ARHGAP18: variants seen among roughly 807,000 people sequenced by gnomAD.
ARHGAP18 encodes rho GTPase-activating protein 18.
Under a neutral mutation model 86.2 loss-of-function variants are expected in ARHGAP18, and 67 were observed. The observed-to-expected ratio is 0.78, with a 90% CI of 0.64 to 0.95. The LOEUF is 0.95. ARHGAP18 is among the 40% of genes least tolerant of loss of function. The pLI is 0.00. For missense variants in ARHGAP18, 691 were observed against 780.4 expected (o/e 0.89, Z 1.37); for synonymous variants, 283 against 280.4 (o/e 1.01, Z -0.09).
intron 8 of ARHGAP18, 130 bp from the exon 9 acceptor site, chr6:129,608,182 C>A (rs2114457602): frequency 3.7e-4 from 354 of 948,378 alleles, no homozygotes; most frequent in Middle Eastern, 1.2e-3. Flanking sequence ...ATCAGACTAC[C>A]AAAAGTCAAT....
intron 1 of ARHGAP18, among the ~76,000 whole-genome samples, chr6:129,647,122 A>G (rs182988140): frequency 2.0e-5 from 3 of 152,312 alleles, no homozygotes; most frequent in Admixed American, 2.0e-4. Flanking sequence ...ATAATGACAA[A>G]GAATTAAAAT....
At chr6:129,696,944 G>A (rs754613432) in intron 1 of ARHGAP18, among the ~76,000 whole-genome samples, 1 of 152,166 alleles carries the variant, frequency 6.6e-6, no homozygotes, top group Non-Finnish European at 1.5e-5. Context: ...TCATTGAGAA[G>A]TGTATCCTAT....
At chr6:129,700,821 C>T (rs1311001312) in intron 1 of ARHGAP18, among the ~76,000 whole-genome samples, 1 of 152,164 alleles carries the variant, frequency 6.6e-6, no homozygotes, top group Non-Finnish European at 1.5e-5. Context: ...CCCAGAGTCA[C>T]AAGCTGCTAC....
intron 6 of ARHGAP18, among the ~76,000 whole-genome samples, chr6:129,616,612 A>G (rs2114467923): frequency 6.6e-6 from 1 of 152,336 alleles, no homozygotes; most frequent in South Asian, 2.1e-4. Context: ...CAAAATATCC[A>G]AATAATTTAC....
At chr6:129,629,891 G>A (rs747691959) in intron 4 of ARHGAP18, among the ~76,000 whole-genome samples, 1 of 152,142 alleles carries the variant, frequency 6.6e-6, no homozygotes, top group Non-Finnish European at 1.5e-5. Flanking sequence ...AGCAAAAAAA[G>A]AAGGAGGTGA....
intron 1 of ARHGAP18, among the ~76,000 whole-genome samples, chr6:129,680,530 C>T (rs1774306742): frequency 6.6e-6 from 1 of 152,144 alleles, no homozygotes; most frequent in African/African-American, 2.4e-5. Flanking sequence ...TTTTACTGAC[C>T]CATTTCAGAA....
intron 1 of ARHGAP18, among the ~76,000 whole-genome samples, chr6:129,666,870 C>G (rs1375900777): frequency 7.9e-6 from 1 of 126,224 alleles, no homozygotes; most frequent in East Asian, 2.1e-4. Flanking sequence ...TTCTTTTCTC[C>G]TGTACCTGTT....
At chr6:129,629,822 A>C (rs1773159502) in intron 4 of ARHGAP18, among the ~76,000 whole-genome samples, 1 of 152,186 alleles carries the variant, frequency 6.6e-6, no homozygotes. Context: ...CTTTTAATAA[A>C]AAACCTCAAA....
rs1195721857 is a variant in ARHGAP18, at chr6:129,605,864, T to G, written c.1365+13A>C. On this transcript the variant is annotated intron_variant, in intron 10 of 14. Transcript: ENST00000368149. Reference sequence around the variant, plus strand: ...CTTCTAAGGGATATTTAATGTAAATTAACCAAGCTGACCTTCAGTGTGTCC... The same window carrying G: ...CTTCTAAGGGATATTTAATGTAAATGAACCAAGCTGACCTTCAGTGTGTCC... The G allele has an allele frequency of 6.2e-7, 1 of 1,609,422 alleles. No homozygotes were observed. The highest frequency in any genetic ancestry group is 8.5e-7 in the Non-Finnish European group (1 of 1,176,070).
chr6:129,645,566 C>T (rs1210517904), intron 1 of ARHGAP18, among the ~76,000 whole-genome samples: 1 of 152,162 alleles, frequency 6.6e-6, no homozygotes, highest in Non-Finnish European at 1.5e-5. Context: ...CTCCCTCTCC[C>T]TCCAGAATTC....
At chr6:129,678,167 C>T (rs897933994) in intron 1 of ARHGAP18, among the ~76,000 whole-genome samples, 4 of 152,210 alleles carry the variant, frequency 2.6e-5, no homozygotes, top group African/African-American at 9.6e-5. Context: ...TATTTCACAC[C>T]ATGCCCCATT....
intron 1 of ARHGAP18, among the ~76,000 whole-genome samples, chr6:129,659,920 G>A (rs2114517920): frequency 1.3e-5 from 2 of 152,262 alleles, no homozygotes; most frequent in Middle Eastern, 6.8e-3. Context: ...CAGGTAGAAC[G>A]TGATGAGAAA....
intron 1 of ARHGAP18, chr6:129,662,052 T>A (rs1773964674): frequency 3.9e-6 from 1 of 258,266 alleles, no homozygotes; most frequent in Non-Finnish European, 6.0e-6. Flanking sequence ...TGCAGCTCTC[T>A]GAGGCATAAT....
intron 5 of ARHGAP18, among the ~76,000 whole-genome samples, chr6:129,624,751 C>A (rs1789304763): frequency 6.6e-6 from 1 of 151,178 alleles, no homozygotes; most frequent in African/African-American, 2.4e-5. Flanking sequence ...TCAAGACAAG[C>A]CTGGCCAAGA....
intron 1 of ARHGAP18, among the ~76,000 whole-genome samples, chr6:129,705,562 G>C (rs1340914233): frequency 6.6e-6 from 1 of 152,070 alleles, no homozygotes; most frequent in Non-Finnish European, 1.5e-5. Flanking sequence ...TTTACATTAT[G>C]GTTCATTCTC....
At chr6:129,630,845 TG>T (rs1290124823) in intron 4 of ARHGAP18, among the ~76,000 whole-genome samples, 2 of 152,158 alleles carry the variant, frequency 1.3e-5, no homozygotes, top group Non-Finnish European at 2.9e-5. Context: ...TCCCTGACCT[TG>T]CAAATTACAC....
chr6:129,710,144 G>T lies in ARHGAP18; in HGVS notation c.-8C>A. The T allele has an allele frequency of 1.2e-6, 2 of 1,604,138 alleles. No individual in the cohort carries two copies. The highest frequency in any genetic ancestry group is 1.7e-6 in the Non-Finnish European group (2 of 1,171,556). On this transcript the variant is annotated 5_prime_UTR_variant, in exon 1 of 15. Transcript: ENST00000368149. ...ACTGGAGAGCCAGCTCATGGTGAGA[G>T]AAGGGACATACTTTCTGCGATCCTG...
At chr6:129,654,718 T>C (rs1197291198) in intron 1 of ARHGAP18, among the ~76,000 whole-genome samples, 1 of 152,182 alleles carries the variant, frequency 6.6e-6, no homozygotes, top group Non-Finnish European at 1.5e-5. Context: ...TAGTCTTCCA[T>C]TTCCATCCCT....
chr6:129,644,829 A>G (rs1773546058), intron 1 of ARHGAP18, among the ~76,000 whole-genome samples: 1 of 152,252 alleles, frequency 6.6e-6, no homozygotes, highest in Non-Finnish European at 1.5e-5. Context: ...CCATTGTTAC[A>G]TAAATACACC....
Sources: gnomAD v4.1 joint callset for allele counts (sites outside exome capture counted in the v4.1 genomes callset) on GRCh38, gnomAD v4.1.1 for gene constraint, MANE v1.5 for transcripts, NCBI Gene and HGNC (gene_info 2026-07-23, HGNC 2026-07-21) for gene names.